ZBTB40: variants seen among roughly 807,000 people sequenced by gnomAD.
ZBTB40 encodes the protein zinc finger and BTB domain-containing protein 40.
In ZBTB40, 60 loss-of-function variants were observed where a neutral mutation model predicts 117.5. The observed-to-expected ratio is 0.51, with a 90% CI of 0.41 to 0.63. The LOEUF (loss-of-function observed/expected upper bound fraction) is 0.63, where lower values mean the gene tolerates loss of function less well. Among genes scored for constraint, ZBTB40 ranks in the 30% least tolerant of loss-of-function variants. The probability of loss-of-function intolerance (pLI) is 0.00; values close to 1 mark genes in which losing one functional copy is unlikely to be tolerated. For missense variants in ZBTB40, 1,287 were observed against 1,498.5 expected (o/e 0.86, Z 2.33); for synonymous variants, 525 against 577.1 (o/e 0.91, Z 1.29).
chr1:22,475,738 T>C (rs1179534796), intron 1 of ZBTB40, among the ~76,000 whole-genome samples: 1 of 152,252 alleles, frequency 6.6e-6, no homozygotes, highest in African/African-American at 2.4e-5. Context: ...GATTCAGGAT[T>C]GGATTACCAT....
At chr1:22,449,803 T>C (rs1043849230), upstream of ZBTB40, among the ~76,000 whole-genome samples, 2 of 152,240 alleles carry the variant, frequency 1.3e-5, no homozygotes, top group South Asian at 2.1e-4. Flanking sequence ...ATTTGAAGTC[T>C]TGTTAAGTGG....
At chr1:22,484,913 TTTC>T (rs1322380006) in intron 1 of ZBTB40, among the ~76,000 whole-genome samples, 117 of 152,360 alleles carry the variant, frequency 7.7e-4, no homozygotes, top group African/African-American at 2.7e-3. Context: ...TCACATGATT[TTTC>T]TTCTTTAGCC....
At chr1:22,502,234 C>T in intron 4 of ZBTB40, 65 bp from the exon 5 acceptor site, 1 of 1,557,708 alleles carries the variant, frequency 6.4e-7, no homozygotes, top group Non-Finnish European at 8.7e-7. Context: ...TCTTGACAAA[C>T]CATGCTGTCA....
At chr1:22,495,508 T>C (rs958695812) in intron 3 of ZBTB40, among the ~76,000 whole-genome samples, 2 of 151,856 alleles carry the variant, frequency 1.3e-5, no homozygotes, top group African/African-American at 4.8e-5. Flanking sequence ...TTTTGTTTTG[T>C]TTTGTTTTGT....
At chr1:22,487,117 C>G (rs1414999566) in intron 1 of ZBTB40, among the ~76,000 whole-genome samples, 1 of 152,166 alleles carries the variant, frequency 6.6e-6, no homozygotes, top group Non-Finnish European at 1.5e-5. Flanking sequence ...GCCCTGTGAC[C>G]TTTCTTTTCT....
intron 3 of ZBTB40, among the ~76,000 whole-genome samples, 192 bp downstream of exon 3, chr1:22,491,725 A>G (rs1638636730): frequency 6.6e-6 from 1 of 151,986 alleles, no homozygotes; most frequent in East Asian, 1.9e-4. Flanking sequence ...TCAAAATGAC[A>G]TTACATCTTG....
At chr1:22,508,316 A>G (rs1298921346) in intron 7 of ZBTB40, among the ~76,000 whole-genome samples, 179 bp downstream of exon 7, 2 of 152,256 alleles carry the variant, frequency 1.3e-5, no homozygotes, top group Non-Finnish European at 2.9e-5. Flanking sequence ...CAAATAGAAT[A>G]GTTCTAATTT....
rs201246072 is a variant in ZBTB40, at chr1:22,522,364, A to G, written c.3212-13A>G. 2.5e-5 allele frequency: 40 copies of G among 1,613,590 alleles called. No homozygotes were observed. In the East Asian group the frequency reaches 8.7e-4, roughly 35 times the overall value. ...GTTCTTTCCCAGCACGTCTTTCTTT[A>G]TGCACTTCACAGATATGAAGTTCCA... On this transcript the variant is annotated splice_polypyrimidine_tract_variant and intron_variant, in intron 15 of 17. Transcript: ENST00000375647.
chr1:22,439,022 C>G (rs1640703254), intron 1 of ZBTB40, among the ~76,000 whole-genome samples: 1 of 152,098 alleles, frequency 6.6e-6, no homozygotes, highest in African/African-American at 2.4e-5. Flanking sequence ...TGCCCACCAC[C>G]ACGTCCAGCT....
intron 3 of ZBTB40, among the ~76,000 whole-genome samples, chr1:22,494,391 C>G (rs201195028): frequency 1.3e-5 from 2 of 152,134 alleles, no homozygotes; most frequent in Non-Finnish European, 2.9e-5. Flanking sequence ...GTGTCTAGTA[C>G]GTAGCAATCA....
At chr1:22,477,360 C>G (rs1376551642) in intron 1 of ZBTB40, among the ~76,000 whole-genome samples, 2 of 151,934 alleles carry the variant, frequency 1.3e-5, no homozygotes, top group Admixed American at 6.6e-5. Context: ...GTGAATACAC[C>G]CACACACTAA....
chr1:22,479,385 T>G (rs901649976), intron 1 of ZBTB40, among the ~76,000 whole-genome samples: 1 of 152,228 alleles, frequency 6.6e-6, no homozygotes, highest in Non-Finnish European at 1.5e-5. Context: ...AGTGACAGTC[T>G]CTGAGTCTTT....
chr1:22,442,181 G>T (rs940557064), intron 1 of ZBTB40, among the ~76,000 whole-genome samples: 1 of 151,934 alleles, frequency 6.6e-6, no homozygotes, highest in Non-Finnish European at 1.5e-5. Flanking sequence ...TTACTTTTTG[G>T]CCTAACATAT....
chr1:22,443,008 C>T (rs1640750757), intron 1 of ZBTB40, among the ~76,000 whole-genome samples: 1 of 152,138 alleles, frequency 6.6e-6, no homozygotes, highest in African/African-American at 2.4e-5. Flanking sequence ...CCTCCTGGAG[C>T]TCTGGCCAGG....
chr1:22,489,981 G>C lies in ZBTB40; in HGVS notation c.33G>C (p.Leu11=), dbSNP rs1431677063. The change falls in exon 2 of 18, where the codon CTG becomes CTC. Residue 11 remains leucine, a synonymous_variant. Coordinates refer to ENST00000375647, the MANE Select transcript of ZBTB40 (RefSeq NM_014870.4). The stretch of plus-strand genomic sequence containing the variant: ...TCCCCAACTACAGCCGGCAGCTGCT[G>C]CAGCAGCTGTACACTCTGTGCAAGG... MELPNYSRQL[L]QQLYTLCKEQ... is the part of the protein sequence containing the mutation. The C allele has an allele frequency of 6.2e-7, 1 of 1,613,186 alleles. No individual in the cohort carries two copies.
At chr1:22,448,882 G>A (rs956413036), upstream of ZBTB40, among the ~76,000 whole-genome samples, 9 of 151,336 alleles carry the variant, frequency 5.9e-5, no homozygotes, top group African/African-American at 1.9e-4. Flanking sequence ...GCGTGATTTC[G>A]GCTCACTGCA....
At chr1:22,468,688 G>C (rs1340992244) in intron 1 of ZBTB40, among the ~76,000 whole-genome samples, 2 of 128,566 alleles carry the variant, frequency 1.6e-5, no homozygotes, top group African/African-American at 3.0e-5. Context: ...TTGTAGAAAT[G>C]GGGTCTCACT....
chr1:22,515,625 C>G (rs1639355181), intron 12 of ZBTB40, among the ~76,000 whole-genome samples: 1 of 152,202 alleles, frequency 6.6e-6, no homozygotes, highest in Non-Finnish European at 1.5e-5. Flanking sequence ...TCTGACTCTT[C>G]TTCCTCCCTC....
chr1:22,496,289 G>A (rs1180228766), intron 3 of ZBTB40, among the ~76,000 whole-genome samples: 1 of 152,132 alleles, frequency 6.6e-6, no homozygotes, highest in Non-Finnish European at 1.5e-5. Flanking sequence ...GAATTTCACT[G>A]GGGATTCAGA....
Sources: gnomAD v4.1 joint callset for allele counts (sites outside exome capture counted in the v4.1 genomes callset) on GRCh38, gnomAD v4.1.1 for gene constraint, MANE v1.5 for transcripts, NCBI Gene and HGNC (gene_info 2026-07-23, HGNC 2026-07-21) for gene names.